Variants in RSRC1 observed in about 807,000 individuals in gnomAD.
RSRC1 encodes arginine and serine rich coiled-coil 1.
Under a neutral mutation model 49.1 loss-of-function variants are expected in RSRC1, and 39 were observed. The ratio of observed to expected loss-of-function variants is 0.79; its 90% CI spans 0.61 to 1.04. The LOEUF is 1.04. Ranked by LOEUF, RSRC1 falls within the 50% of genes least tolerant of loss-of-function variation. The pLI is 0.00. For missense variants in RSRC1, 388 were observed against 402.4 expected, an observed-to-expected ratio of 0.96 and a Z score of 0.31; for synonymous variants, 143 against 130.8, an observed-to-expected ratio of 1.09 and a Z score of -0.63.
chr3:158,520,616 T>C (rs1711602123), intron 7 of RSRC1, among the ~76,000 whole-genome samples: 1 of 152,194 alleles, frequency 6.6e-6, no homozygotes, highest in Non-Finnish European at 1.5e-5. Context: ...GTCTTATTGC[T>C]TCTGGAATAT....
At chr3:158,421,608 G>A (rs1025849318) in intron 6 of RSRC1, among the ~76,000 whole-genome samples, 4 of 151,758 alleles carry the variant, frequency 2.6e-5, no homozygotes, top group African/African-American at 4.8e-5. Context: ...GTGAGAAGGT[G>A]AAATGATACA....
At chr3:158,257,341 G>A (rs1038871368) in intron 4 of RSRC1, among the ~76,000 whole-genome samples, 10 of 151,630 alleles carry the variant, frequency 6.6e-5, no homozygotes, top group African/African-American at 2.2e-4. Flanking sequence ...ACTGGTATAT[G>A]TTTATTTATA....
intron 6 of RSRC1, among the ~76,000 whole-genome samples, chr3:158,401,002 A>G (rs971539070): frequency 2.6e-5 from 4 of 152,020 alleles, no homozygotes; most frequent in African/African-American, 9.7e-5. Flanking sequence ...GTTGAGATAT[A>G]TTTAGATACA....
At chr3:158,449,307 T>TA (rs1227660220) in intron 6 of RSRC1, among the ~76,000 whole-genome samples, 5 of 151,944 alleles carry the variant, frequency 3.3e-5, no homozygotes, top group Non-Finnish European at 7.4e-5. Context: ...GAAATGAAAA[T>TA]ACGGTTGCTG....
chr3:158,240,426 T>C (rs1723505095), intron 4 of RSRC1, among the ~76,000 whole-genome samples: 1 of 152,162 alleles, frequency 6.6e-6, no homozygotes, highest in Admixed American at 6.5e-5. Context: ...ATGGGGTAAA[T>C]AATATTAATA....
intron 3 of RSRC1, among the ~76,000 whole-genome samples, chr3:158,158,330 G>A (rs559781291): frequency 6.6e-6 from 1 of 152,250 alleles, no homozygotes; most frequent in Admixed American, 6.5e-5. Flanking sequence ...ATGTGTCAGG[G>A]CTGACTGTGG....
chr3:158,122,211 G>A lies in RSRC1; in HGVS notation c.107G>A (p.Ser36Asn), dbSNP rs1170038427. The change falls in exon 2 of 10, where the codon AGC becomes AAC. Residue 36 changes from serine to asparagine, a missense_variant. Transcript: ENST00000611884. The stretch of plus-strand genomic sequence containing the variant: ...AGTTCTTCAGATAGTAGAACATACA[G>A]CCGAAAGAAAGGAGGAAGGAAATCA... ...SSSSSDSRTY[S>N]RKKGGRKSRS... The A allele has an allele frequency of 1.2e-6, 2 of 1,608,284 alleles. No homozygotes were observed. The highest frequency in any genetic ancestry group is 1.7e-5 in the Admixed American group (1 of 59,514).
At chr3:158,456,188 G>A (rs1737306914) in intron 6 of RSRC1, among the ~76,000 whole-genome samples, 1 of 151,922 alleles carries the variant, frequency 6.6e-6, no homozygotes, top group Admixed American at 6.6e-5. Flanking sequence ...TATAATGCAA[G>A]TCATGAGGAA....
chr3:158,434,067 A>G (rs1011280012), intron 6 of RSRC1, among the ~76,000 whole-genome samples: 1 of 152,006 alleles, frequency 6.6e-6, no homozygotes, highest in Non-Finnish European at 1.5e-5. Flanking sequence ...TTTAAGAAAT[A>G]GCAGCTCAGA....
At chr3:158,537,000 A>G in intron 7 of RSRC1, 92 bp from the exon 8 acceptor site, 2 of 769,438 alleles carry the variant, frequency 2.6e-6, no homozygotes. Context: ...TTTTTATCCA[A>G]TTAAATTTCT....
chr3:158,350,004 G>A (rs541661439), intron 5 of RSRC1, among the ~76,000 whole-genome samples: 1 of 151,262 alleles, frequency 6.6e-6, no homozygotes, highest in East Asian at 2.0e-4. Context: ...GGCTGTCACT[G>A]ATCTATTAAT....
intron 7 of RSRC1, among the ~76,000 whole-genome samples, chr3:158,513,854 T>C (rs1364033521): frequency 6.6e-6 from 1 of 152,246 alleles, no homozygotes; most frequent in African/African-American, 2.4e-5. Context: ...TGGGAGAGTG[T>C]ATGTGTCAAG....
chr3:158,255,958 T>G (rs1386450419), intron 4 of RSRC1, among the ~76,000 whole-genome samples: 1 of 152,178 alleles, frequency 6.6e-6, no homozygotes, highest in African/African-American at 2.4e-5. Context: ...GAGGAGATTT[T>G]GGGCTGAGAC....
At chr3:158,419,504 T>C (rs987420668) in intron 6 of RSRC1, among the ~76,000 whole-genome samples, 1 of 151,956 alleles carries the variant, frequency 6.6e-6, no homozygotes, top group Admixed American at 6.6e-5. Context: ...GTAATGTTGA[T>C]CCAAGTTGAA....
chr3:158,356,866 T>C (rs1377142205), intron 6 of RSRC1, among the ~76,000 whole-genome samples: 1 of 152,100 alleles, frequency 6.6e-6, no homozygotes, highest in Non-Finnish European at 1.5e-5. Flanking sequence ...TAGTATGATT[T>C]TGAAGCACAT....
intron 4 of RSRC1, among the ~76,000 whole-genome samples, chr3:158,253,223 T>G (rs947265932): frequency 6.6e-6 from 1 of 152,086 alleles, no homozygotes; most frequent in African/African-American, 2.4e-5. Context: ...AACTTTCCTC[T>G]TCATACTACT....
chr3:158,212,370 TA>T (rs139196146), intron 4 of RSRC1, among the ~76,000 whole-genome samples: 1 of 150,892 alleles, frequency 6.6e-6, no homozygotes, highest in Non-Finnish European at 1.5e-5. Context: ...CAGACTGCAT[TA>T]AAAAAAAATC....
intron 4 of RSRC1, among the ~76,000 whole-genome samples, chr3:158,214,756 TC>T (rs1405843795): frequency 2.0e-5 from 3 of 151,882 alleles, no homozygotes; most frequent in Non-Finnish European, 2.9e-5. Flanking sequence ...TTTTACTGAT[TC>T]TAGCTTCATT....
chr3:158,197,650 C>A (rs1318645094), intron 3 of RSRC1, among the ~76,000 whole-genome samples: 2 of 152,102 alleles, frequency 1.3e-5, no homozygotes, highest in Admixed American at 1.3e-4. Flanking sequence ...TTTCCCTCTA[C>A]ACACTGCTTT....
Sources: gnomAD v4.1 joint callset for allele counts (sites outside exome capture counted in the v4.1 genomes callset) on GRCh38, gnomAD v4.1.1 for gene constraint, MANE v1.5 for transcripts, NCBI Gene and HGNC (gene_info 2026-07-23, HGNC 2026-07-21) for gene names.